Variants in TRPM2 observed in about 807,000 individuals in gnomAD.
The protein encoded by TRPM2 is estrogen-responsive element-associated gene 1 protein.
TRPM2 carries 161 observed loss-of-function variants against 174.0 expected under a neutral mutation model. The observed-to-expected ratio is 0.93, with a 90% CI of 0.81 to 1.05. The LOEUF (loss-of-function observed/expected upper bound fraction) is 1.05, where lower values mean the gene tolerates loss of function less well. Among genes scored for constraint, TRPM2 ranks in the 50% least tolerant of loss-of-function variants. TRPM2 has a pLI of 0.00. For synonymous variants in TRPM2, 954 were observed against 861.3 expected (o/e 1.11, Z -1.88); for missense variants, 2,057 against 2,038.0 (o/e 1.01, Z -0.18).
intron 8 of TRPM2, among the ~76,000 whole-genome samples, chr21:44,382,053 G>A (rs1388012964): frequency 6.6e-6 from 1 of 152,138 alleles, no homozygotes; most frequent in East Asian, 1.9e-4. Flanking sequence ...ATGGATGAAT[G>A]GTTGGTAGGT....
At chr21:44,400,179 A>G in intron 14 of TRPM2, 80 bp from the exon 15 acceptor site, 2 of 1,214,982 alleles carry the variant, frequency 1.6e-6, no homozygotes, top group Non-Finnish European at 1.2e-6. Flanking sequence ...AGGCACCCCG[A>G]GTCCTCAGCA....
intron 2 of TRPM2, among the ~76,000 whole-genome samples, chr21:44,358,852 G>C (rs1163272490): frequency 2.0e-5 from 3 of 152,116 alleles, no homozygotes; most frequent in Non-Finnish European, 4.4e-5. Context: ...GGACCTTCGC[G>C]GTGAGTGTCA....
chr21:44,400,257 A>C lies in TRPM2; in HGVS notation c.2209-2A>C. The C allele has an allele frequency of 6.2e-7, 1 of 1,611,452 alleles. No individual in the cohort carries two copies. The highest frequency in any genetic ancestry group is 8.5e-7 in the Non-Finnish European group (1 of 1,178,974). ...CCATCCTGAGACTGCCCCCATCCGC[A>C]GGCCTTCCTGACCAAGGTGTGGTGG... On this transcript the variant is annotated splice_acceptor_variant, in intron 14 of 31. Transcript: ENST00000397928. LOFTEE classifies it high-confidence loss of function.
chr21:44,394,218 T>G (rs774652118), intron 11 of TRPM2, among the ~76,000 whole-genome samples: 21 of 151,740 alleles, frequency 1.4e-4, no homozygotes, highest in Non-Finnish European at 2.5e-4. Flanking sequence ...TTAAGTCCAG[T>G]GCGTTTATTT....
chr21:44,361,205 A>G (rs1045665792), intron 2 of TRPM2, among the ~76,000 whole-genome samples: 4 of 152,054 alleles, frequency 2.6e-5, no homozygotes, highest in Admixed American at 2.0e-4. Flanking sequence ...GCACGATCTC[A>G]GCTTACTGCA....
intron 27 of TRPM2, among the ~76,000 whole-genome samples, chr21:44,433,829 C>T (rs1207902712): frequency 6.6e-6 from 1 of 152,166 alleles, no homozygotes; most frequent in African/African-American, 2.4e-5. Flanking sequence ...GGACTCTGAT[C>T]GCTGTGGGCT....
chr21:44,414,032 T>A lies in TRPM2; in HGVS notation c.3104T>A (p.Phe1035Tyr). Reference sequence around the variant, plus strand: ...CTCCTACTCTGCCTCTACCTGCTCTTCACCAACATCCTGCTGCTCAACCTC... The same window carrying A: ...CTCCTACTCTGCCTCTACCTGCTCTACACCAACATCCTGCTGCTCAACCTC... The part of the protein sequence containing the change: ...TVLLLCLYLL[F>Y]TNILLLNLLI... Residue 1035 changes from phenylalanine (F) to tyrosine (Y), a missense_variant, in exon 20 of 32, where the codon TTC (phenylalanine) becomes TAC (tyrosine). Transcript: ENST00000397928. 1 of 1,612,674 alleles carries A rather than the reference T, an allele frequency of 6.2e-7. No individual in the cohort carries two copies. Among genetic ancestry groups the A allele is most frequent in the South Asian group, 1.1e-5 (1 of 91,064 alleles).
At chr21:44,431,711 C>T (rs1361314322) in intron 27 of TRPM2, among the ~76,000 whole-genome samples, 3 of 152,166 alleles carry the variant, frequency 2.0e-5, no homozygotes, top group South Asian at 4.1e-4. Context: ...CTCCTGACCT[C>T]GTGATCCGCC....
At chr21:44,373,614 T>G (rs966689277) in intron 5 of TRPM2, among the ~76,000 whole-genome samples, 2 of 119,106 alleles carry the variant, frequency 1.7e-5, no homozygotes, top group Non-Finnish European at 3.6e-5. Flanking sequence ...CTGCATTATA[T>G]GCGACCTGCA....
chr21:44,431,738 T>C (rs2051030902), intron 27 of TRPM2, among the ~76,000 whole-genome samples: 1 of 152,224 alleles, frequency 6.6e-6, no homozygotes, highest in African/African-American at 2.4e-5. Flanking sequence ...GGCCTCCCAA[T>C]GTGCTAGGAT....
chr21:44,358,438 C>T (rs1027730733), intron 2 of TRPM2, among the ~76,000 whole-genome samples: 1 of 152,184 alleles, frequency 6.6e-6, no homozygotes, highest in African/African-American at 2.4e-5. Flanking sequence ...CAAGAGCTCT[C>T]ATTTCCCGTG....
rs1245219911 is a variant in TRPM2 at position 44,424,311 on chromosome 21, G to A, written c.3550-541G>A. Among the ~76,000 whole-genome samples the A allele has an allele frequency of 2.6e-5, 4 of 152,220 alleles. No individual in the cohort carries two copies. The South Asian group carries it at 6.2e-4, about 24-fold the overall frequency. On this transcript the variant is annotated intron_variant, in intron 23 of 31. Transcript: ENST00000397928. ...CATCCACCATCCACCAGTCCTGCCC[G>A]TTGCACCCAGGGGTCTGCCCAGGCC...
chr21:44,430,085 G>T (rs796627376), intron 27 of TRPM2, among the ~76,000 whole-genome samples: 5 of 152,098 alleles, frequency 3.3e-5, no homozygotes, highest in Non-Finnish European at 7.4e-5. Flanking sequence ...CTCCTTTAGT[G>T]TTGAGCCATC....
In TRPM2 at chr21:44,440,815, G is replaced by A. The variant is rs769195394; in HGVS notation, c.4296G>A (p.Pro1432=). 11 of 1,613,878 alleles carry A rather than the reference G, an allele frequency of 6.8e-6. No homozygotes were observed. The highest frequency in any genetic ancestry group is 4.5e-5 in the East Asian group (2 of 44,882). Residue 1432 remains proline, a synonymous_variant, in exon 31 of 32, where the codon CCG becomes CCA. Coordinates refer to ENST00000397928, the MANE Select transcript of TRPM2 (RefSeq NM_003307.4). ...TGTACAAAGGCTACATGGATGACCCGAGGAACACGGACAATGCCTGGATCG... is the reference window on the plus strand; with the variant it reads ...TGTACAAAGGCTACATGGATGACCCAAGGAACACGGACAATGCCTGGATCG... ...MEVYKGYMDD[P]RNTDNAWIET...
At chr21:44,417,127 TGC>T (rs1377477008) in intron 20 of TRPM2, among the ~76,000 whole-genome samples, 3 of 131,962 alleles carry the variant, frequency 2.3e-5, no homozygotes, top group African/African-American at 8.9e-5. Flanking sequence ...GGCATGGCTC[TGC>T]TCTCTGGCAT....
rs1305309673 is a variant in TRPM2 at position 44,406,767 on chromosome 21, T to C, written c.2962+2T>C. On this transcript the variant is annotated splice_donor_variant, in intron 19 of 31. Transcript: ENST00000397928. LOFTEE classifies it high-confidence loss of function. ...GGCAGATCCCGGGCTACATCGACGG[T>C]AGGAGCCGGGCGCCATGGGAGCTCG... The C allele has an allele frequency of 2.5e-6, 4 of 1,598,352 alleles. No individual in the cohort carries two copies. The East Asian group carries it at 9.0e-5, about 36-fold the overall frequency.
At position 44,424,901 on chromosome 21, in the gene TRPM2, C is replaced by T. The variant is rs143181077; in HGVS notation, c.3599C>T (p.Ala1200Val). 35 of 1,608,014 alleles carry T rather than the reference C, an allele frequency of 2.2e-5. No homozygotes were observed. In the Admixed American group the frequency reaches 2.3e-4, roughly 11 times the overall value. The stretch of plus-strand genomic sequence containing the variant: ...CACTGGATCGTGAGGACGCTGCGGG[C>T]CAGCGGCTTCAGCTCGGAGGCGGAC... ...ALHWIVRTLR[A>V]SGFSSEADVP... Residue 1200 changes from alanine (A) to valine (V), a missense_variant, in exon 24 of 32, where the codon GCC (alanine) becomes GTC (valine). By Grantham distance (64) the Ala-to-Val change is moderately conservative. Transcript: ENST00000397928.
At chr21:44,434,791 A>T (rs1238098385) in intron 27 of TRPM2, among the ~76,000 whole-genome samples, 2 of 152,038 alleles carry the variant, frequency 1.3e-5, no homozygotes, top group Admixed American at 6.5e-5. Flanking sequence ...GGGCCTTTGG[A>T]TGCAAAGTGC....
Position 44,406,780 on chromosome 21 carries a change from C to A in TRPM2, c.2962+15C>A, listed in dbSNP as rs1465154135. The A allele has an allele frequency of 6.3e-6, 10 of 1,590,720 alleles. No individual in the cohort carries two copies. Among genetic ancestry groups the A allele is most frequent in the East Asian group, 2.3e-5 (1 of 43,876 alleles). On this transcript the variant is annotated intron_variant, in intron 19 of 31. Coordinates refer to ENST00000397928, the MANE Select transcript of TRPM2 (RefSeq NM_003307.4). The stretch of plus-strand genomic sequence containing the variant: ...CTACATCGACGGTAGGAGCCGGGCG[C>A]CATGGGAGCTCGGGTGGTGCTGCCG...
Sources: gnomAD v4.1 joint callset for allele counts (sites outside exome capture counted in the v4.1 genomes callset) on GRCh38, gnomAD v4.1.1 for gene constraint, MANE v1.5 for transcripts, NCBI Gene and HGNC (gene_info 2026-07-23, HGNC 2026-07-21) for gene names.